The following NME9 variants were observed in gnomAD, a reference collection of about 807,000 sequenced individuals.
NME9 encodes the protein NME/NM23 family member 9.
Under a neutral mutation model 44.4 loss-of-function variants are expected in NME9, and 48 were observed. The ratio of observed to expected loss-of-function variants is 1.08; its 90% CI spans 0.86 to 1.37. The LOEUF (loss-of-function observed/expected upper bound fraction) is 1.37, where lower values mean the gene tolerates loss of function less well. NME9 is among the 40% of genes most tolerant of loss of function. The pLI is 0.00. For synonymous variants in NME9, 139 were observed against 147.1 expected, an observed-to-expected ratio of 0.94 and a Z score of 0.40; for missense variants, 325 against 405.2, an observed-to-expected ratio of 0.80 and a Z score of 1.70.
At chr3:138,314,264 T>A in intron 6 of NME9, 68 bp downstream of exon 6, 2 of 871,364 alleles carry the variant, frequency 2.3e-6, no homozygotes, top group Non-Finnish European at 3.7e-6. Flanking sequence ...AATACTCATC[T>A]ATTTTAAACA....
chr3:138,271,590 C>G (rs112950361), intron 8 of NME9, among the ~76,000 whole-genome samples: 4 of 152,304 alleles, frequency 2.6e-5, no homozygotes, highest in African/African-American at 9.6e-5. Context: ...TTACCAGCTG[C>G]TGTGTTTTCT....
intron 8 of NME9, chr3:138,264,228 C>A: frequency 6.2e-7 from 1 of 1,602,424 alleles, no homozygotes; most frequent in South Asian, 1.1e-5. Flanking sequence ...AAGAAAGGGT[C>A]AGCCAGTAAC....
At chr3:138,292,579 C>T (rs1323636901) in intron 8 of NME9, among the ~76,000 whole-genome samples, 1 of 152,146 alleles carries the variant, frequency 6.6e-6, no homozygotes. Context: ...AGGAAAATGT[C>T]TAGGGTTTTA....
intron 4 of NME9, 89 bp from the exon 5 acceptor site, chr3:138,315,732 G>A (rs1005809490): frequency 9.5e-7 from 1 of 1,049,240 alleles, no homozygotes; most frequent in Non-Finnish European, 1.4e-6. Context: ...GTGTCCCCAA[G>A]TTCAAGGTCC....
chr3:138,320,161 A>G (rs917223451), intron 2 of NME9, among the ~76,000 whole-genome samples: 2 of 152,152 alleles, frequency 1.3e-5, no homozygotes, highest in Non-Finnish European at 2.9e-5. Context: ...TTTAATCCCA[A>G]TCTATAGTAC....
At chr3:138,324,279 C>T (rs1442641338) in intron 2 of NME9, 6 of 339,394 alleles carry the variant, frequency 1.8e-5, no homozygotes, top group Non-Finnish European at 3.5e-5. Context: ...CTTGAGATCC[C>T]GTCTGATACC....
intron 6 of NME9, among the ~76,000 whole-genome samples, chr3:138,308,389 C>G (rs536822972): frequency 6.6e-6 from 1 of 152,272 alleles, no homozygotes; most frequent in East Asian, 1.9e-4. Flanking sequence ...CCAAGAGACA[C>G]CGTCCCAGCA....
intron 8 of NME9, among the ~76,000 whole-genome samples, chr3:138,294,015 A>G (rs1044240524): frequency 5.3e-5 from 8 of 152,182 alleles, no homozygotes; most frequent in Non-Finnish European, 1.2e-4. Flanking sequence ...CATTCTTCTA[A>G]AAAGACTCCT....
chr3:138,318,072 G>A (rs2053209128), intron 4 of NME9, 76 bp downstream of exon 4: 2 of 920,960 alleles, frequency 2.2e-6, no homozygotes, highest in Non-Finnish European at 3.6e-6. Context: ...GTGAATTAAT[G>A]TCAGTGAGAT....
intron 4 of NME9, among the ~76,000 whole-genome samples, chr3:138,315,993 G>T (rs780651162): frequency 2.0e-5 from 3 of 152,052 alleles, no homozygotes; most frequent in Non-Finnish European, 2.9e-5. Context: ...CACCATGCCC[G>T]GCTAATTTTT....
At chr3:138,283,538 T>C (rs1238316835) in intron 8 of NME9, among the ~76,000 whole-genome samples, 1 of 152,152 alleles carries the variant, frequency 6.6e-6, no homozygotes, top group Non-Finnish European at 1.5e-5. Flanking sequence ...GGGAGTGTGT[T>C]TTTTTTTCCT....
Position 138,329,314 on chromosome 3 carries a change from T to G in NME9, c.22A>C (p.Ile8Leu). 1 of 1,536,082 alleles carries G rather than the reference T, an allele frequency of 6.5e-7. No individual in the cohort carries two copies. The highest frequency in any genetic ancestry group is 8.7e-7 in the Non-Finnish European group (1 of 1,146,890). Residue 8 changes from isoleucine to leucine, a missense_variant, in exon 1 of 11, where the codon ATT becomes CTT. By Grantham distance (5) the Ile-to-Leu change is conservative. Transcript: ENST00000333911. MGSRKKE[I>L]ALQVNISTQE... ...CCCTTGAGGCTTACCTGCAGGGCAA[T>G]TTCCTTCTTCCTGCTGCCCATGGCT...
Position 138,306,018 on chromosome 3 carries a change from G to A in NME9, c.622C>T (p.His208Tyr), listed in dbSNP as rs1452477114. The stretch of plus-strand genomic sequence containing the variant: ...GATGAGCTGACCTCTCCAGCTTTGT[G>A]TTGGTAGAAAAGTCGCACTTCTGCC... ...TEAEVRLFYQ[H>Y]KAGEEAFEKL... The change falls in exon 8 of 11, where the codon CAC becomes TAC. Residue 208 changes from histidine (H) to tyrosine (Y), a missense_variant. By Grantham distance (83) the His-to-Tyr change is moderately conservative. Coordinates refer to ENST00000333911, the MANE Select transcript of NME9 (RefSeq NM_001349018.2). 4 of 1,611,416 alleles carry A rather than the reference G, an allele frequency of 2.5e-6. No individual in the cohort carries two copies. The African/African-American group carries it at 4.0e-5, about 16-fold the overall frequency.
intron 2 of NME9, among the ~76,000 whole-genome samples, chr3:138,323,022 G>C: frequency 6.6e-6 from 1 of 152,176 alleles, no homozygotes; most frequent in Non-Finnish European, 1.5e-5. Flanking sequence ...CCCCCAAACA[G>C]TAGAGTGTGG....
chr3:138,274,512 G>A, intron 8 of NME9: 2 of 1,613,210 alleles, frequency 1.2e-6, no homozygotes, highest in Non-Finnish European at 8.5e-7. Flanking sequence ...TCTTATTCTA[G>A]AAGGGGAACA....
chr3:138,265,818 G>A (rs1362161479), intron 8 of NME9, among the ~76,000 whole-genome samples: 3 of 152,170 alleles, frequency 2.0e-5, no homozygotes, highest in Non-Finnish European at 2.9e-5. Flanking sequence ...TTGACATGCT[G>A]AGTGGTTCTT....
At chr3:138,268,053 G>T (rs1305434234) in intron 8 of NME9, among the ~76,000 whole-genome samples, 1 of 152,078 alleles carries the variant, frequency 6.6e-6, no homozygotes, top group Non-Finnish European at 1.5e-5. Context: ...GACCAGCCTG[G>T]CCAACATGGT....
intron 8 of NME9, among the ~76,000 whole-genome samples, chr3:138,271,798 C>CTTTCTTTTTTTTTTTTTTTTTTTTTTTT (rs1018824241): frequency 7.3e-6 from 1 of 136,134 alleles, no homozygotes; most frequent in African/African-American, 2.8e-5. Context: ...TTTTTTCTTT[C>CTTTCTTTTTTTTTTTTTTTTTTTTTTTT]TTTTTTTTTT....
chr3:138,263,489 A>C (rs1027298971), intron 8 of NME9: 12 of 502,904 alleles, frequency 2.4e-5, no homozygotes, highest in Middle Eastern at 5.5e-4. Context: ...TTTTGTGTTA[A>C]ATGTCTTTAA....
Sources: gnomAD v4.1 joint callset for allele counts (sites outside exome capture counted in the v4.1 genomes callset) on GRCh38, gnomAD v4.1.1 for gene constraint, MANE v1.5 for transcripts, NCBI Gene and HGNC (gene_info 2026-07-23, HGNC 2026-07-21) for gene names.